Variants in ARHGEF18 observed in about 807,000 individuals in gnomAD.
ARHGEF18 encodes the protein Rho/Rac guanine nucleotide exchange factor 18, also known as rho guanine nucleotide exchange factor 18.
ARHGEF18 carries 93 observed loss-of-function variants against 155.7 expected under a neutral mutation model. The ratio of observed to expected loss-of-function variants is 0.60; its 90% CI spans 0.50 to 0.71. The LOEUF is 0.71. ARHGEF18 is among the 30% of genes least tolerant of loss of function. ARHGEF18 has a pLI of 0.00. For missense variants in ARHGEF18, 1,593 were observed against 1,816.1 expected (o/e 0.88, Z 2.23); for synonymous variants, 742 against 753.1 (o/e 0.99, Z 0.24).
Position 7,439,280 on chromosome 19 carries a change from AC to A in ARHGEF18, c.968-1055del, listed in dbSNP as rs113289764. Among the ~76,000 whole-genome samples the A allele has an allele frequency of 2.3e-3, 336 of 145,018 alleles. 3 individuals are homozygous for A. Among genetic ancestry groups the A allele is most frequent in the African/African-American group, 8.0e-3 (308 of 38,264 alleles). ...AGACCAGCCTGAGCAACATAGTGAG[AC>A]CCCCCCCCAACCTCTACAAGAAAAT... On this transcript the variant is annotated intron_variant, in intron 10 of 28. Coordinates refer to ENST00000668164, the MANE Select transcript of ARHGEF18 (RefSeq NM_001367823.1).
chr19:7,382,006 C>G lies in ARHGEF18; in HGVS notation c.723-786C>G, dbSNP rs7250625. Reference sequence around the variant, plus strand: ...CAGGAATCATGTCTGCCTTATATGTCACTGACCTAATATTTATTAAATGAA... The same window carrying G: ...CAGGAATCATGTCTGCCTTATATGTGACTGACCTAATATTTATTAAATGAA... On this transcript the variant is annotated intron_variant, in intron 8 of 28. Transcript: ENST00000668164. Among the ~76,000 whole-genome samples, 526 of 152,318 alleles carry G rather than the reference C, an allele frequency of 3.5e-3. 2 individuals carry two copies. The highest frequency in any genetic ancestry group is 0.012 in the African/African-American group (501 of 41,556).
Position 7,378,430 on chromosome 19 carries a change from A to G in ARHGEF18, c.578A>G (p.Asp193Gly). 8.1e-7 allele frequency: 1 copy of G among 1,234,264 alleles called. No individual in the cohort carries two copies. Among genetic ancestry groups the G allele is most frequent in the Non-Finnish European group, 1.0e-6 (1 of 988,172 alleles). The allele number at this position is 1,234,264 out of a possible 1,614,324, so 76.5% of individuals were successfully genotyped here. A position where few individuals can be genotyped will look rare whatever the true frequency, so the allele number is the denominator to read the frequency against. Residue 193 changes from aspartate to glycine, a missense_variant, in exon 6 of 29, where the codon GAC becomes GGC. Transcript: ENST00000668164. ...CCAGTGCTGGAGTGCATGGAAAAAG[A>G]CCATGTGGAACCAGATCACGTGTGA... ...EPPVLECMEK[D>G]HVEPDHVLIV...
At chr19:7,469,809 G>C (rs1412284585) in intron 27 of ARHGEF18, 95 bp from the exon 28 acceptor site, 1 of 1,456,408 alleles carries the variant, frequency 6.9e-7, no homozygotes. Flanking sequence ...AGTGTCAGGT[G>C]GGGGTGGCCA....
chr19:7,373,310 G>A (rs1169330329), intron 3 of ARHGEF18, among the ~76,000 whole-genome samples: 3 of 152,042 alleles, frequency 2.0e-5, no homozygotes, highest in Admixed American at 6.6e-5. Flanking sequence ...TTTATATTAC[G>A]TTGTAATACA....
intron 11 of ARHGEF18, 108 bp from the exon 12 acceptor site, chr19:7,441,545 C>T: frequency 1.2e-6 from 1 of 810,524 alleles, no homozygotes; most frequent in East Asian, 2.5e-5. Flanking sequence ...GTGGAGAGTT[C>T]TCAGAGAGTA....
intron 2 of ARHGEF18, among the ~76,000 whole-genome samples, chr19:7,370,331 TA>T (rs1273063410): frequency 2.6e-5 from 4 of 151,786 alleles, no homozygotes; most frequent in African/African-American, 9.7e-5. Flanking sequence ...CCATCTCTAC[TA>T]AAAATACAAA....
chr19:7,466,381 CAAAAAAAAAA>C (rs3030730), intron 23 of ARHGEF18, among the ~76,000 whole-genome samples: 1 of 98,544 alleles, frequency 1.0e-5, no homozygotes, highest in African/African-American at 4.2e-5. Context: ...AACTCCATCT[CAAAAAAAAAA>C]AAAAAAAAAA....
intron 1 of ARHGEF18, among the ~76,000 whole-genome samples, chr19:7,361,912 AAC>A (rs1196549438): frequency 6.6e-6 from 1 of 151,568 alleles, no homozygotes; most frequent in Non-Finnish European, 1.5e-5. Flanking sequence ...GAATGGCTTG[AAC>A]TCGGGAGGCG....
chr19:7,440,590 A>ACGGCAGCCCC lies in ARHGEF18; in HGVS notation c.1106+111_1106+120dup, dbSNP rs1385046386. 1.5e-6 allele frequency: 2 copies of ACGGCAGCCCC among 1,347,980 alleles called. No individual in the cohort carries two copies. The highest frequency in any genetic ancestry group is 2.9e-5 in the African/African-American group (2 of 68,528). 83.5% of individuals were successfully genotyped at this position (1,347,980 alleles called of 1,614,324 possible). A position where few individuals can be genotyped will look rare whatever the true frequency, so the allele number is the denominator to read the frequency against. ...CCGACTTAGATCTGTGTGAATCCAC[A>ACGGCAGCCCC]CGGCAGCCCCCGTGCTAAGCAGAGA... On this transcript the variant is annotated intron_variant, in intron 11 of 28. Coordinates refer to ENST00000668164, the MANE Select transcript of ARHGEF18 (RefSeq NM_001367823.1). The surrounding 1 kb of genome is among the most constrained non-coding windows in gnomAD (Gnocchi z 5.4).
At chr19:7,426,551 C>T (rs1268060925) in intron 10 of ARHGEF18, among the ~76,000 whole-genome samples, 1 of 151,822 alleles carries the variant, frequency 6.6e-6, no homozygotes, top group Non-Finnish European at 1.5e-5. Flanking sequence ...GGTAGTACAC[C>T]AGACACCTAA....
chr19:7,349,996 GA>G (rs1204947559), intron 1 of ARHGEF18, among the ~76,000 whole-genome samples: 4 of 152,138 alleles, frequency 2.6e-5, no homozygotes, highest in Non-Finnish European at 4.4e-5. Context: ...GTCCTGATCT[GA>G]AATCATCCAG....
At chr19:7,384,195 C>G (rs1253557220) in intron 10 of ARHGEF18, among the ~76,000 whole-genome samples, 2 of 152,136 alleles carry the variant, frequency 1.3e-5, no homozygotes, top group Non-Finnish European at 1.5e-5. Flanking sequence ...ATTCTTTGTT[C>G]TAAGGGGCTA....
At chr19:7,413,213 A>G (rs928575108) in intron 10 of ARHGEF18, among the ~76,000 whole-genome samples, 1 of 151,898 alleles carries the variant, frequency 6.6e-6, no homozygotes, top group Non-Finnish European at 1.5e-5. Context: ...AGGAGGATCG[A>G]TTGAGCCCAG....
intron 2 of ARHGEF18, among the ~76,000 whole-genome samples, chr19:7,368,005 G>A (rs1297783312): frequency 1.5e-5 from 2 of 135,400 alleles, no homozygotes; most frequent in Non-Finnish European, 3.2e-5. Flanking sequence ...GAGAGAGGGA[G>A]GGAGGGAGGG....
chr19:7,444,575 G>A lies in ARHGEF18; in HGVS notation c.1611+121G>A. 10 of 1,382,140 alleles carry A rather than the reference G, an allele frequency of 7.2e-6. No homozygotes were observed. The highest frequency in any genetic ancestry group is 6.8e-6 in the Non-Finnish European group (7 of 1,033,886). The allele number at this position is 1,382,140 out of a possible 1,614,324, so 85.6% of individuals were successfully genotyped here. ...GCCCAGGCTGGAGTGCAGTGGTGCA[G>A]TCACAGCTCAATGCAGCCTCAACCT... On this transcript the variant is annotated intron_variant, in intron 14 of 28. Coordinates refer to ENST00000668164, the MANE Select transcript of ARHGEF18 (RefSeq NM_001367823.1). This position sits in a 1 kb window ranked among gnomAD's most constrained non-coding sequence, Gnocchi z 4.7.
chr19:7,361,918 G>C (rs1254662490), intron 1 of ARHGEF18, among the ~76,000 whole-genome samples: 2 of 151,656 alleles, frequency 1.3e-5, no homozygotes, highest in Non-Finnish European at 2.9e-5. Flanking sequence ...CTTGAACTCG[G>C]GAGGCGGAGG....
intron 1 of ARHGEF18, chr19:7,355,566 C>T (rs1969267540): frequency 1.0e-6 from 1 of 963,264 alleles, no homozygotes; most frequent in Non-Finnish European, 1.2e-6. Flanking sequence ...CTGGCAGCCC[C>T]ATCCTGGCAG....
At chr19:7,384,827 G>A (rs116640223) in intron 10 of ARHGEF18, among the ~76,000 whole-genome samples, 2,541 of 152,060 alleles carry the variant, frequency 0.017, 75 homozygotes, top group African/African-American at 0.059. Context: ...GAGTAGCTGG[G>A]TCTACAGGTG....
At chr19:7,414,952 G>A (rs970175723) in intron 10 of ARHGEF18, among the ~76,000 whole-genome samples, 4 of 152,128 alleles carry the variant, frequency 2.6e-5, no homozygotes, top group African/African-American at 9.7e-5. Flanking sequence ...CCGAGATCGT[G>A]CCACTGCACT....
Sources: gnomAD v4.1 joint callset for allele counts (sites outside exome capture counted in the v4.1 genomes callset) on GRCh38, gnomAD v4.1.1 for gene constraint, Gnocchi (gnomAD v3.1) non-coding constraint, MANE v1.5 for transcripts, NCBI Gene and HGNC (gene_info 2026-07-23, HGNC 2026-07-21) for gene names.